Variants in JAML observed in about 807,000 individuals in gnomAD.
The protein encoded by JAML is junctional adhesion molecule-like.
Under a neutral mutation model 39.3 loss-of-function variants are expected in JAML, and 25 were observed. The observed-to-expected ratio is 0.64, with a 90% CI of 0.46 to 0.89. The LOEUF is 0.89. JAML is among the 40% of genes least tolerant of loss of function. JAML has a pLI of 0.00. For missense variants in JAML, 440 were observed against 486.9 expected, an observed-to-expected ratio of 0.90 and a Z score of 0.91; for synonymous variants, 162 against 179.2, an observed-to-expected ratio of 0.90 and a Z score of 0.77.
At chr11:118,212,948 A>G in intron 2 of JAML, 1 of 1,614,214 alleles carries the variant, frequency 6.2e-7, no homozygotes, top group South Asian at 1.1e-5. Flanking sequence ...CTTGCTCTTA[A>G]ATCTCCCACT....
chr11:118,213,709 A>G (rs572820790), intron 2 of JAML, among the ~76,000 whole-genome samples: 1 of 152,344 alleles, frequency 6.6e-6, no homozygotes, highest in African/African-American at 2.4e-5. Context: ...ATCTTGGTAG[A>G]GAAACAGCTG....
intron 6 of JAML, chr11:118,202,952 A>T (rs1005214889): frequency 2.2e-6 from 1 of 456,582 alleles, no homozygotes; most frequent in African/African-American, 2.0e-5. Context: ...AGAACCTCTG[A>T]TCAGAAAACC....
chr11:118,216,849 G>A (rs1949149001), intron 1 of JAML, among the ~76,000 whole-genome samples: 1 of 152,140 alleles, frequency 6.6e-6, no homozygotes, highest in African/African-American at 2.4e-5. Flanking sequence ...TGAAAACACA[G>A]ACCTCTCTCA....
In JAML at chr11:118,206,007, TAAATC is replaced by T; in HGVS notation, c.425-21_425-17del. ...ACCATGAGCTCTGAGGATAAAACAGTAAATCAAGTCAGACTCAAGTTATAATCTAT... is the reference window on the plus strand; with the variant it reads ...ACCATGAGCTCTGAGGATAAAACAGTAAGTCAGACTCAAGTTATAATCTAT... On this transcript the variant is annotated splice_polypyrimidine_tract_variant and intron_variant, in intron 4 of 9. Coordinates refer to ENST00000356289, the MANE Select transcript of JAML (RefSeq NM_001098526.2). The T allele has an allele frequency of 6.3e-7, 1 of 1,590,728 alleles. No homozygotes were observed. Among genetic ancestry groups the T allele is most frequent in the Non-Finnish European group, 8.6e-7 (1 of 1,158,750 alleles).
chr11:118,210,649 C>T lies in JAML; in HGVS notation c.262G>A (p.Val88Ile), dbSNP rs759268176. Residue 88 changes from valine (V) to isoleucine (I), a missense_variant, in exon 4 of 10, where the codon GTA (valine) becomes ATA (isoleucine). Val to Ile is a conservative substitution (Grantham distance 29). Coordinates refer to ENST00000356289, the MANE Select transcript of JAML (RefSeq NM_001098526.2). ...SVPIGRFQNR[V>I]HLMGDILCND... ...CATAAGATGTCCCCCATCAAGTGTA[C>T]GCGGTTCTGGAAGCGCCCAATAGGC... is the stretch of plus-strand genomic sequence containing the variant. 9.9e-6 allele frequency: 16 copies of T among 1,614,054 alleles called. No individual in the cohort carries two copies. Among genetic ancestry groups the T allele is most frequent in the Admixed American group, 5.0e-5 (3 of 60,000 alleles).
rs182241473 is a variant in JAML, at chr11:118,210,253, C to G, written c.424+234G>C. The stretch of plus-strand genomic sequence containing the variant: ...TGTGAACAAAACATCCTTCACAGGG[C>G]TTTTGTGAGGGGGAAGTGTGTTTAA... On this transcript the variant is annotated intron_variant, in intron 4 of 9. Transcript: ENST00000356289. 4.9e-4 allele frequency among the ~76,000 whole-genome samples: 74 copies of G among 152,194 alleles called. 2 individuals carry two copies. The highest frequency in any genetic ancestry group is 1.9e-4 in the Non-Finnish European group (13 of 67,994).
chr11:118,201,009 TACC>T (rs1253687360), intron 6 of JAML: 2 of 174,300 alleles, frequency 1.1e-5, no homozygotes, highest in Admixed American at 1.1e-4. Context: ...ACAGTGACGA[TACC>T]AAGTAAAGCC....
chr11:118,202,276 T>C (rs746564706), intron 6 of JAML: 4 of 152,326 alleles, frequency 2.6e-5, no homozygotes, highest in Admixed American at 2.6e-4. Flanking sequence ...GCAAATTGTA[T>C]GGTATGTGAA....
chr11:118,209,698 A>AT (rs35344617), intron 4 of JAML, among the ~76,000 whole-genome samples: 10 of 149,810 alleles, frequency 6.7e-5, no homozygotes, highest in Non-Finnish European at 5.9e-5. Flanking sequence ...TATTATTATT[A>AT]TTTTTTTTTT....
intron 6 of JAML, chr11:118,201,846 G>A (rs1269292097): frequency 6.6e-6 from 1 of 152,226 alleles, no homozygotes; most frequent in African/African-American, 2.4e-5. Context: ...AAAGAATCAA[G>A]CACACCCCCA....
chr11:118,207,012 T>C lies in JAML; in HGVS notation c.425-1021A>G, dbSNP rs552640069. Among the ~76,000 whole-genome samples, 49 of 152,282 alleles carry C rather than the reference T, an allele frequency of 3.2e-4. No individual in the cohort carries two copies. The South Asian group carries it at 9.7e-3, about 30-fold the overall frequency. On this transcript the variant is annotated intron_variant, in intron 4 of 9. Transcript: ENST00000356289. The stretch of plus-strand genomic sequence containing the variant: ...TGCATAAGCCACCCTTTCATCCAAA[T>C]TATTTCCCTGGGAGAAGAGTAACTT...
chr11:118,199,073 T>C (rs1447561772), intron 7 of JAML, among the ~76,000 whole-genome samples: 1 of 152,260 alleles, frequency 6.6e-6, no homozygotes, highest in African/African-American at 2.4e-5. Context: ...CATGTCATTA[T>C]GTAGAGGGAT....
intron 7 of JAML, among the ~76,000 whole-genome samples, chr11:118,199,677 CATTATT>C (rs878995585): frequency 2.1e-4 from 29 of 135,670 alleles, no homozygotes; most frequent in African/African-American, 7.8e-4. Context: ...TTTAAAAGCA[CATTATT>C]ATTATTATTA....
At chr11:118,197,915 A>G (rs892153386) in intron 8 of JAML, 83 bp downstream of exon 8, 1 of 1,277,100 alleles carries the variant, frequency 7.8e-7, no homozygotes, top group Non-Finnish European at 1.1e-6. Context: ...GCGACATACA[A>G]TGGGTAAGAT....
chr11:118,209,234 G>A lies in JAML; in HGVS notation c.424+1253C>T, dbSNP rs188755908. On this transcript the variant is annotated intron_variant, in intron 4 of 9. Transcript: ENST00000356289. ...GCGAAAAAAACTTTCTAAATGACTCGGGCCACCACAGCTTATACTCTCCCT... is the reference window on the plus strand; with the variant it reads ...GCGAAAAAAACTTTCTAAATGACTCAGGCCACCACAGCTTATACTCTCCCT... 1,884 of 211,442 alleles carry A rather than the reference G, an allele frequency of 8.9e-3. 53 individuals are homozygous for A. The highest frequency in any genetic ancestry group is 0.012 in the Non-Finnish European group (1,290 of 104,308). 13.1% of individuals were successfully genotyped at this position (211,442 alleles called of 1,614,324 possible).
intron 5 of JAML, chr11:118,204,425 G>C (rs755694501): frequency 6.6e-6 from 1 of 152,656 alleles, no homozygotes; most frequent in Non-Finnish European, 1.5e-5. Flanking sequence ...GCAAGGCCCT[G>C]CATGACCCAG....
At chr11:118,204,337 C>T (rs1274572058) in intron 5 of JAML, 1 of 153,134 alleles carries the variant, frequency 6.5e-6, no homozygotes, top group Non-Finnish European at 1.5e-5. Context: ...GCAGATGAGC[C>T]TTTAAAAATG....
chr11:118,198,423 C>G (rs948984494), intron 7 of JAML, among the ~76,000 whole-genome samples: 2 of 152,158 alleles, frequency 1.3e-5, no homozygotes, highest in African/African-American at 4.8e-5. Context: ...ATTTGACCAT[C>G]CTGTCTACAT....
chr11:118,206,491 T>C (rs1948918239), intron 4 of JAML, among the ~76,000 whole-genome samples: 1 of 152,190 alleles, frequency 6.6e-6, no homozygotes, highest in African/African-American at 2.4e-5. Flanking sequence ...CTCATTCTTA[T>C]ATTTAACCCA....
Sources: gnomAD v4.1 joint callset for allele counts (sites outside exome capture counted in the v4.1 genomes callset) on GRCh38, gnomAD v4.1.1 for gene constraint, MANE v1.5 for transcripts, NCBI Gene and HGNC (gene_info 2026-07-23, HGNC 2026-07-21) for gene names.